PTGES3L: variants seen among roughly 807,000 people sequenced by gnomAD.
PTGES3L encodes prostaglandin E synthase 3 like.
In PTGES3L, 17 loss-of-function variants were observed where a neutral mutation model predicts 25.0. The ratio of observed to expected loss-of-function variants is 0.68; its 90% confidence interval spans 0.47 to 1.02. The LOEUF is 1.02. Among genes scored for constraint, PTGES3L ranks in the 50% least tolerant of loss-of-function variants. The pLI, the probability that PTGES3L is intolerant of heterozygous loss-of-function variation, is 0.00. For missense variants in PTGES3L, 202 were observed against 197.5 expected (o/e 1.02, Z -0.14); for synonymous variants, 59 against 65.7 (o/e 0.90, Z 0.50).
At chr17:42,978,660 C>T (rs1324815073) in intron 4 of PTGES3L, among the ~76,000 whole-genome samples, 4 of 152,052 alleles carry the variant, frequency 2.6e-5, no homozygotes, top group Admixed American at 6.6e-5. Context: ...CACACGTATA[C>T]CTATGTAACA....
intron 1 of PTGES3L, 110 bp downstream of exon 1, chr17:42,979,936 G>A (rs1467064684): frequency 7.6e-6 from 11 of 1,455,512 alleles, no homozygotes; most frequent in Non-Finnish European, 9.9e-6. Flanking sequence ...AGAGACCAGG[G>A]GTCCGGGGCT....
chr17:42,973,811 TCATCAC>T (rs1263193944), intron 4 of PTGES3L, among the ~76,000 whole-genome samples: 3 of 144,198 alleles, frequency 2.1e-5, no homozygotes, highest in Non-Finnish European at 4.6e-5. Flanking sequence ...TCGTTAAGAG[TCATCAC>T]CACTCCCTAA....
At chr17:42,978,710 T>TA (rs71359594) in intron 4 of PTGES3L, among the ~76,000 whole-genome samples, 92,304 of 151,798 alleles carry the variant, frequency 0.61, 30,096 homozygotes, top group East Asian at 0.84. Flanking sequence ...AACTTTAAGT[T>TA]AAAAAATAAG....
rs866953183 is a variant in PTGES3L, at chr17:42,970,707, C to T, written c.379-365G>A. 1.1e-4 allele frequency among the ~76,000 whole-genome samples: 10 copies of T among 91,826 alleles called. No homozygotes were observed. In the Admixed American group the frequency reaches 1.2e-3, roughly 11 times the overall value. The allele number at this position is 91,826 out of a possible 152,430, so 60.2% of individuals were successfully genotyped here. ...ACACACACACACACACACACACACA[C>T]ACACACACACAGAGGCCGGGTTTGG... On this transcript the variant is annotated intron_variant, in intron 5 of 6. Coordinates refer to ENST00000591916, the MANE Select transcript of PTGES3L (RefSeq NM_001261430.2).
intron 6 of PTGES3L, 132 bp downstream of exon 6, chr17:42,970,157 T>G: frequency 9.3e-7 from 1 of 1,075,120 alleles, no homozygotes; most frequent in Non-Finnish European, 1.4e-6. Context: ...TTAGCCCTCT[T>G]GGGTCAAACT....
intron 4 of PTGES3L, among the ~76,000 whole-genome samples, chr17:42,974,600 C>G (rs1461208340): frequency 6.6e-6 from 1 of 151,760 alleles, no homozygotes; most frequent in Non-Finnish European, 1.5e-5. Context: ...TGGTGAAACC[C>G]CATCTCTACT....
In PTGES3L at chr17:42,979,260, C is replaced by T. The variant is rs747043114; in HGVS notation, c.198G>A (p.Gln66=). 6.2e-7 allele frequency: 1 copy of T among 1,614,056 alleles called. No homozygotes were observed. The highest frequency in any genetic ancestry group is 8.5e-7 in the Non-Finnish European group (1 of 1,180,018). Residue 66 remains glutamine, a synonymous_variant, in exon 4 of 7, where the codon CAG becomes CAA. Coordinates refer to ENST00000591916, the MANE Select transcript of PTGES3L (RefSeq NM_001261430.2). ...FYAKVNSKDS[Q]DKRSSRSITC... is the part of the protein sequence containing the mutation. ...TAATAGAGCGGGAAGAGCGCTTATC[C>T]TGGGAGTCCTGCCAGATAGAGAGCC...
chr17:42,970,362 A>G lies in PTGES3L; in HGVS notation c.379-20T>C. Reference sequence around the variant, plus strand: ...CAAAAGCTAGTGGGAAGAAAAAATAATCACAAGGGAGAAGGGAGTGAAGGA... The same window carrying G: ...CAAAAGCTAGTGGGAAGAAAAAATAGTCACAAGGGAGAAGGGAGTGAAGGA... On this transcript the variant is annotated intron_variant, in intron 5 of 6. Transcript: ENST00000591916. 6.2e-7 allele frequency: 1 copy of G among 1,613,592 alleles called. No individual in the cohort carries two copies. The highest frequency in any genetic ancestry group is 8.5e-7 in the Non-Finnish European group (1 of 1,179,642).
chr17:42,977,465 G>A (rs1362362924), intron 4 of PTGES3L, among the ~76,000 whole-genome samples: 4 of 149,692 alleles, frequency 2.7e-5, no homozygotes, highest in African/African-American at 9.8e-5. Flanking sequence ...TTAGCCGGGC[G>A]TGGTGGCACA....
At chr17:42,978,634 C>G (rs2050007505) in intron 4 of PTGES3L, among the ~76,000 whole-genome samples, 1 of 152,108 alleles carries the variant, frequency 6.6e-6, no homozygotes, top group African/African-American at 2.4e-5. Flanking sequence ...TTGATAGATG[C>G]AGCAAACCAC....
At chr17:42,978,738 C>T (rs1237994331) in intron 4 of PTGES3L, among the ~76,000 whole-genome samples, 2 of 152,140 alleles carry the variant, frequency 1.3e-5, no homozygotes, top group African/African-American at 2.4e-5. Flanking sequence ...CGGTGGCTCA[C>T]GCCTGTAATC....
intron 4 of PTGES3L, among the ~76,000 whole-genome samples, chr17:42,978,108 A>C (rs1038005711): frequency 5.3e-5 from 8 of 149,560 alleles, no homozygotes; most frequent in Admixed American, 2.0e-4. Flanking sequence ...AAACAGAAAG[A>C]AAAAAGAAAA....
rs767118245 is a variant in PTGES3L at position 42,979,243 on chromosome 17, C to T, written c.215G>A (p.Arg72His). Residue 72 changes from arginine (R) to histidine (H), a missense_variant, in exon 4 of 7, where the codon CGC (arginine) becomes CAC (histidine). Arg to His is a conservative substitution (Grantham distance 29). Coordinates refer to ENST00000591916, the MANE Select transcript of PTGES3L (RefSeq NM_001261430.2). ...TTTTCTCACAAAACAAGTAATAGAG[C>T]GGGAAGAGCGCTTATCCTGGGAGTC... ...SKDSQDKRSS[R>H]SITCFVRKWK... 3.2e-5 allele frequency: 51 copies of T among 1,613,922 alleles called. No homozygotes were observed. The highest frequency in any genetic ancestry group is 7.7e-5 in the South Asian group (7 of 91,076).
intron 5 of PTGES3L, among the ~76,000 whole-genome samples, chr17:42,970,676 G>GCGCACACA (rs1490786473): frequency 1.2e-4 from 18 of 144,192 alleles, no homozygotes; most frequent in South Asian, 1.1e-3. Flanking sequence ...CTTAACACGC[G>GCGCACACA]CACACACACA....
intron 6 of PTGES3L, 51 bp downstream of exon 6, chr17:42,970,238 T>C: frequency 6.2e-7 from 1 of 1,611,324 alleles, no homozygotes; most frequent in South Asian, 1.1e-5. Context: ...TAGTGGGTTG[T>C]TTTTAAGGGC....
At chr17:42,972,365 G>GTCTCCCTC (rs2049859102) in intron 4 of PTGES3L, among the ~76,000 whole-genome samples, 1 of 95,362 alleles carries the variant, frequency 1.0e-5, no homozygotes, top group Non-Finnish European at 1.9e-5. Context: ...TCTTTCCACG[G>GTCTCCCTC]TCTCCCTCTC....
At chr17:42,970,227 C>T in intron 6 of PTGES3L, 62 bp downstream of exon 6, 1 of 1,601,388 alleles carries the variant, frequency 6.2e-7, no homozygotes, top group Non-Finnish European at 8.6e-7. Flanking sequence ...TAGGAGCTCT[C>T]TAGTGGGTTG....
chr17:42,973,247 G>T (rs2037208058), intron 4 of PTGES3L, among the ~76,000 whole-genome samples: 2 of 149,398 alleles, frequency 1.3e-5, no homozygotes, highest in Non-Finnish European at 1.5e-5. Flanking sequence ...GAGGTGGGGG[G>T]GTCAGCCCCC....
intron 4 of PTGES3L, among the ~76,000 whole-genome samples, chr17:42,974,714 A>G (rs1444587943): frequency 6.6e-6 from 1 of 151,002 alleles, no homozygotes; most frequent in African/African-American, 2.4e-5. Context: ...TGGAGGTTGC[A>G]GTGAGTCGAG....
Sources: gnomAD v4.1 joint callset for allele counts (sites outside exome capture counted in the v4.1 genomes callset) on GRCh38, gnomAD v4.1.1 for gene constraint, MANE v1.5 for transcripts, NCBI Gene and HGNC (gene_info 2026-07-23, HGNC 2026-07-21) for gene names.